TAFA1: variants seen among roughly 807,000 people sequenced by gnomAD.
TAFA1 encodes chemokine-like protein TAFA-1.
A neutral mutation model predicts 18.5 loss-of-function variants in TAFA1; 4 were observed. That is an observed-to-expected ratio of 0.22 (90% confidence interval 0.11 to 0.49). The LOEUF (loss-of-function observed/expected upper bound fraction) is 0.49, where lower values mean the gene tolerates loss of function less well. TAFA1 is among the 20% of genes least tolerant of loss of function. The probability of loss-of-function intolerance (pLI) is 0.98; values close to 1 mark genes in which losing one functional copy is unlikely to be tolerated. For synonymous variants in TAFA1, 56 were observed against 55.2 expected (o/e 1.01, Z -0.06); for missense variants, 147 against 169.0 (o/e 0.87, Z 0.72).
At chr3:68,434,625 A>G (rs1017649879) in intron 3 of TAFA1, among the ~76,000 whole-genome samples, 6 of 152,132 alleles carry the variant, frequency 3.9e-5, no homozygotes, top group Non-Finnish European at 8.8e-5. Context: ...CAAAACATGT[A>G]TCAGGATGAA....
chr3:68,338,061 T>A (rs531278350), intron 2 of TAFA1, among the ~76,000 whole-genome samples: 1 of 152,336 alleles, frequency 6.6e-6, no homozygotes, highest in Non-Finnish European at 1.5e-5. Context: ...TGGGTATTTG[T>A]TTTTGCAGTA....
intron 2 of TAFA1, among the ~76,000 whole-genome samples, chr3:68,371,400 C>T (rs1008079899): frequency 6.6e-6 from 1 of 152,050 alleles, no homozygotes; most frequent in African/African-American, 2.4e-5. Flanking sequence ...CAACGGGCCC[C>T]AGTGTGTGAT....
At chr3:68,001,469 G>A (rs187524585), upstream of TAFA1, among the ~76,000 whole-genome samples, 523 of 152,182 alleles carry the variant, frequency 3.4e-3, 1 homozygote, top group Middle Eastern at 0.01. Flanking sequence ...AATATTGCCA[G>A]TTTGATAGAA....
intron 2 of TAFA1, among the ~76,000 whole-genome samples, chr3:68,308,117 C>T (rs1216632966): frequency 6.6e-6 from 1 of 151,994 alleles, no homozygotes; most frequent in African/African-American, 2.4e-5. Flanking sequence ...AATGATGGAG[C>T]ATTCATGTGC....
intron 3 of TAFA1, among the ~76,000 whole-genome samples, chr3:68,475,120 T>C (rs1046537733): frequency 2.0e-5 from 3 of 152,034 alleles, no homozygotes; most frequent in Non-Finnish European, 4.4e-5. Flanking sequence ...CCAGAGTCAC[T>C]CTTTAAATGC....
chr3:68,139,363 CA>C (rs1430337803), intron 2 of TAFA1, among the ~76,000 whole-genome samples: 5 of 152,084 alleles, frequency 3.3e-5, no homozygotes, highest in African/African-American at 1.2e-4. Flanking sequence ...AATAATTCCC[CA>C]CCTAACACCA....
chr3:68,444,836 G>T (rs2071449941), intron 3 of TAFA1, among the ~76,000 whole-genome samples: 1 of 146,440 alleles, frequency 6.8e-6, no homozygotes, highest in East Asian at 2.0e-4. Context: ...AATAAATACA[G>T]TGGATCTGGA....
rs542808359 is a variant in TAFA1 at position 68,306,549 on chromosome 3, G to A, written c.119-110731G>A. 1.4e-4 allele frequency among the ~76,000 whole-genome samples: 22 copies of A among 152,276 alleles called. 1 individual carries two copies. The highest frequency in any genetic ancestry group is 5.1e-4 in the African/African-American group (21 of 41,558). ...TTAAATTTACATGCTGTCAAAAATA[G>A]ATTTTGACTGAACAGTTTCAATTTG... On this transcript the variant is annotated intron_variant, in intron 2 of 4. Transcript: ENST00000478136.
intron 2 of TAFA1, among the ~76,000 whole-genome samples, chr3:68,091,271 A>G (rs921754304): frequency 6.6e-6 from 1 of 152,208 alleles, no homozygotes. Context: ...AAGTAGTCTA[A>G]TAAAGAAGTA....
chr3:68,010,508 C>A (rs1188410201), intron 2 of TAFA1, among the ~76,000 whole-genome samples: 1 of 152,186 alleles, frequency 6.6e-6, no homozygotes, highest in African/African-American at 2.4e-5. Flanking sequence ...AATTTGTGAT[C>A]TGTCTTCTCA....
At chr3:68,123,878 C>CAAA (rs758966848) in intron 2 of TAFA1, among the ~76,000 whole-genome samples, 7 of 72,146 alleles carry the variant, frequency 9.7e-5, no homozygotes, top group African/African-American at 1.3e-4. Flanking sequence ...CTTTTTTTTC[C>CAAA]AAAAAAAAAA....
intron 2 of TAFA1, among the ~76,000 whole-genome samples, chr3:68,074,615 G>A (rs1407729809): frequency 6.6e-6 from 1 of 152,162 alleles, no homozygotes; most frequent in Non-Finnish European, 1.5e-5. Flanking sequence ...TTGTAACCCT[G>A]ACTGTGAGAG....
intron 2 of TAFA1, among the ~76,000 whole-genome samples, chr3:68,339,067 A>G (rs1194917897): frequency 6.6e-6 from 1 of 152,254 alleles, no homozygotes; most frequent in African/African-American, 2.4e-5. Context: ...CCTACATTAA[A>G]TTAGCTAAAG....
At chr3:68,386,551 G>C (rs1239806209) in intron 2 of TAFA1, among the ~76,000 whole-genome samples, 6 of 151,428 alleles carry the variant, frequency 4.0e-5, no homozygotes, top group Admixed American at 3.9e-4. Context: ...TGACAATCCT[G>C]GAGGAGACTG....
chr3:68,283,767 G>C (rs1328982083), intron 2 of TAFA1, among the ~76,000 whole-genome samples: 1 of 152,160 alleles, frequency 6.6e-6, no homozygotes, highest in African/African-American at 2.4e-5. Flanking sequence ...AAGCAGGGAT[G>C]GGTAATCATT....
chr3:68,101,293 A>G (rs982579844), intron 2 of TAFA1, among the ~76,000 whole-genome samples: 4 of 150,286 alleles, frequency 2.7e-5, no homozygotes, highest in Non-Finnish European at 5.9e-5. Context: ...ATTTTATATT[A>G]TATTTTTAAA....
intron 2 of TAFA1, among the ~76,000 whole-genome samples, chr3:68,223,182 C>T (rs2066753730): frequency 6.6e-6 from 1 of 152,024 alleles, no homozygotes; most frequent in Non-Finnish European, 1.5e-5. Flanking sequence ...TCCTTGAGGG[C>T]CTATTAAATG....
intron 2 of TAFA1, among the ~76,000 whole-genome samples, chr3:68,141,736 A>G (rs905293885): frequency 6.6e-6 from 1 of 152,212 alleles, no homozygotes; most frequent in Non-Finnish European, 1.5e-5. Flanking sequence ...AGAAGAAAGC[A>G]AGGCCAAACA....
chr3:68,307,480 T>C (rs1491762), intron 2 of TAFA1, among the ~76,000 whole-genome samples: 15,519 of 152,264 alleles, frequency 0.1, 1,223 homozygotes, highest in East Asian at 0.35. Flanking sequence ...CAGTAACATC[T>C]ACATTCAGCA....
Sources: gnomAD v4.1 joint callset for allele counts (sites outside exome capture counted in the v4.1 genomes callset) on GRCh38, gnomAD v4.1.1 for gene constraint, MANE v1.5 for transcripts, NCBI Gene and HGNC (gene_info 2026-07-23, HGNC 2026-07-21) for gene names.